ELOVL6: variants seen among roughly 807,000 people sequenced by gnomAD.
The protein encoded by ELOVL6 is very long chain fatty acid elongase 6.
A neutral mutation model predicts 31.7 loss-of-function variants in ELOVL6; 8 were observed. The ratio of observed to expected loss-of-function variants is 0.25; its 90% confidence interval spans 0.15 to 0.45. The LOEUF (loss-of-function observed/expected upper bound fraction) is 0.45. ELOVL6 is among the 20% of genes least tolerant of loss of function. The pLI, the probability that ELOVL6 is intolerant of heterozygous loss-of-function variation, is 1.00. For synonymous variants in ELOVL6, 101 were observed against 117.7 expected (o/e 0.86, Z 0.92); for missense variants, 126 against 326.4 (o/e 0.39, Z 4.73).
At chr4:110,114,449 C>T (rs1249486144) in intron 1 of ELOVL6, among the ~76,000 whole-genome samples, 2 of 152,064 alleles carry the variant, frequency 1.3e-5, no homozygotes, top group Non-Finnish European at 1.5e-5. Flanking sequence ...AACTTTTCAG[C>T]TTAGGAATTC....
At chr4:110,075,767 C>T (rs964070068) in intron 2 of ELOVL6, among the ~76,000 whole-genome samples, 2 of 152,168 alleles carry the variant, frequency 1.3e-5, no homozygotes, top group African/African-American at 4.8e-5. Flanking sequence ...TTTTTCACCA[C>T]CACCACCACA....
chr4:110,148,954 A>G (rs1434428849), intron 1 of ELOVL6, among the ~76,000 whole-genome samples: 2 of 152,286 alleles, frequency 1.3e-5, no homozygotes, highest in African/African-American at 4.8e-5. Flanking sequence ...TCAATCTCCC[A>G]GGCTCAAGCG....
intron 1 of ELOVL6, among the ~76,000 whole-genome samples, chr4:110,126,979 C>T (rs1434932120): frequency 6.9e-6 from 1 of 145,392 alleles, no homozygotes; most frequent in Non-Finnish European, 1.5e-5. Context: ...ACTGTAATTA[C>T]AAAAAAAAAA....
In ELOVL6 at chr4:110,117,903, A is replaced by AAAATAT; in HGVS notation, c.90-12276_90-12275insATATTT. The AAAATAT allele has an allele frequency of 2.5e-3, 16 of 6,502 alleles. 2 individuals carry two copies. The East Asian group carries it at 0.025, about 10-fold the overall frequency. 0.4% of individuals were successfully genotyped at this position (6,502 alleles called of 1,614,324 possible). On this transcript the variant is annotated intron_variant, in intron 1 of 3. Coordinates refer to ENST00000302274, the MANE Select transcript of ELOVL6 (RefSeq NM_024090.3). ...TCTCAAAAAAAAAAAAAAAAAAAAA[A>AAAATAT]ATATATATATATATATATATATCTC...
intron 1 of ELOVL6, among the ~76,000 whole-genome samples, chr4:110,158,089 G>A (rs780424537): frequency 7.9e-5 from 12 of 152,234 alleles, no homozygotes; most frequent in Non-Finnish European, 1.3e-4. Context: ...TTTAACACAT[G>A]GTTTCAGAAA....
At chr4:110,090,563 G>A (rs1756389175) in intron 2 of ELOVL6, among the ~76,000 whole-genome samples, 1 of 146,840 alleles carries the variant, frequency 6.8e-6, no homozygotes. Context: ...GCCACAAGAG[G>A]TAGGCCTTCC....
intron 1 of ELOVL6, among the ~76,000 whole-genome samples, chr4:110,197,251 A>T (rs1480221759): frequency 1.3e-5 from 2 of 152,204 alleles, no homozygotes; most frequent in African/African-American, 2.4e-5. Flanking sequence ...AGGGGAGGAG[A>T]GGAATGCCTC....
chr4:110,185,649 C>T (rs1236150200), intron 1 of ELOVL6, among the ~76,000 whole-genome samples: 2 of 152,130 alleles, frequency 1.3e-5, no homozygotes, highest in Admixed American at 6.5e-5. Flanking sequence ...ATAATATGTA[C>T]AAGTAGTATT....
intron 1 of ELOVL6, among the ~76,000 whole-genome samples, chr4:110,181,856 G>C (rs945519677): frequency 2.0e-5 from 3 of 152,204 alleles, no homozygotes; most frequent in African/African-American, 7.2e-5. Flanking sequence ...GATCCACAGA[G>C]CCTGGCCTCT....
At position 110,084,204 on chromosome 4, in the gene ELOVL6, T is replaced by TATATC. The variant is rs1560814524; in HGVS notation, c.221+21292_221+21293insGATAT. Among the ~76,000 whole-genome samples the TATATC allele has an allele frequency of 3.6e-3, 247 of 68,854 alleles. 21 individuals are homozygous for TATATC. Among genetic ancestry groups the TATATC allele is most frequent in the African/African-American group, 0.016 (233 of 14,880 alleles). 45.2% of individuals were successfully genotyped at this position (68,854 alleles called of 152,430 possible). A position where few individuals can be genotyped will look rare whatever the true frequency, so the allele number is the denominator to read the frequency against. On this transcript the variant is annotated intron_variant, in intron 2 of 3. Transcript: ENST00000302274. The stretch of plus-strand genomic sequence containing the variant: ...TATATAACATATAACTTATATGATA[T>TATATC]ATATAACATATAACTTATATGATAT...
rs1413777870 is a variant in ELOVL6, at chr4:110,051,880, T to A, written c.374-118A>T. 25 of 810,116 alleles carry A rather than the reference T, an allele frequency of 3.1e-5. No homozygotes were observed. Among genetic ancestry groups the A allele is most frequent in the Admixed American group, 5.1e-5 (2 of 38,934 alleles). 50.2% of individuals were successfully genotyped at this position (810,116 alleles called of 1,614,324 possible). A position where few individuals can be genotyped will look rare whatever the true frequency, so the allele number is the denominator to read the frequency against. On this transcript the variant is annotated intron_variant, in intron 3 of 3. Coordinates refer to ENST00000302274, the MANE Select transcript of ELOVL6 (RefSeq NM_024090.3). This position sits in a 1 kb window ranked among gnomAD's most constrained non-coding sequence, Gnocchi z 4.8. Reference sequence around the variant, plus strand: ...GACTGGAGAGTTACATAGACTGGATTAGAACCCTGAACTGGTACTTACTAG... The same window carrying A: ...GACTGGAGAGTTACATAGACTGGATAAGAACCCTGAACTGGTACTTACTAG...
chr4:110,147,211 A>C (rs1758139265), intron 1 of ELOVL6: 1 of 185,056 alleles, frequency 5.4e-6, no homozygotes, highest in Non-Finnish European at 1.1e-5. Flanking sequence ...ATATCCCAAA[A>C]GAAACTGAAG....
Position 110,049,078 on chromosome 4 carries a change from G to A in ELOVL6, c.*2260C>T, listed in dbSNP as rs1192253073. The A allele has an allele frequency of 6.6e-6, 1 of 152,054 alleles. No individual in the cohort carries two copies. Among genetic ancestry groups the A allele is most frequent in the Non-Finnish European group, 1.5e-5 (1 of 67,986 alleles). The allele number at this position is 152,054 out of a possible 1,614,324, so 9.4% of individuals were successfully genotyped here. On this transcript the variant is annotated 3_prime_UTR_variant, in exon 4 of 4. Transcript: ENST00000302274. ...TAATTATTCTCATTTTCTGTTATAAGGAAAAAAGGCTTATTGCACGGTATC... is the reference window on the plus strand; with the variant it reads ...TAATTATTCTCATTTTCTGTTATAAAGAAAAAAGGCTTATTGCACGGTATC...
chr4:110,139,958 C>T (rs567770399), intron 1 of ELOVL6, among the ~76,000 whole-genome samples: 24 of 152,202 alleles, frequency 1.6e-4, no homozygotes, highest in Non-Finnish European at 2.9e-4. Context: ...CCATCAGGGA[C>T]GGATGGCTGT....
chr4:110,081,952 T>C (rs1755871315), intron 2 of ELOVL6, among the ~76,000 whole-genome samples: 1 of 151,310 alleles, frequency 6.6e-6, no homozygotes, highest in Non-Finnish European at 1.5e-5. Context: ...CAGACACTTC[T>C]GAAAAGAAGA....
chr4:110,108,293 C>G (rs1457174785), intron 1 of ELOVL6, among the ~76,000 whole-genome samples: 1 of 152,158 alleles, frequency 6.6e-6, no homozygotes, highest in East Asian at 1.9e-4. Context: ...AACTGTATTA[C>G]TTGCAATCAT....
chr4:110,122,399 TTC>T (rs1462273507), intron 1 of ELOVL6, among the ~76,000 whole-genome samples: 1 of 152,138 alleles, frequency 6.6e-6, no homozygotes, highest in African/African-American at 2.4e-5. Flanking sequence ...TTTTTGTGGT[TTC>T]TGTTTTGAAA....
chr4:110,117,903 A>AAAAAATATATATATATATATAT, intron 1 of ELOVL6: 2 of 6,500 alleles, frequency 3.1e-4, no homozygotes, highest in African/African-American at 6.5e-4. Context: ...AAAAAAAAAA[A>AAAAAATATATATATATATATAT]ATATATATAT....
chr4:110,183,377 C>A (rs954058596), intron 1 of ELOVL6, among the ~76,000 whole-genome samples: 1 of 152,176 alleles, frequency 6.6e-6, no homozygotes, highest in Non-Finnish European at 1.5e-5. Context: ...CCGGGCAGAA[C>A]CAATATATAC....
Sources: allele counts gnomAD v4.1 joint callset (sites outside exome capture counted in the v4.1 genomes callset), GRCh38; gene constraint gnomAD v4.1.1; non-coding constraint Gnocchi (gnomAD v3.1); transcripts MANE v1.5; gene names NCBI Gene and HGNC (gene_info 2026-07-23, HGNC 2026-07-21).